CSMD1: variants seen among roughly 807,000 people sequenced by gnomAD.
CSMD1 encodes the protein CUB and Sushi multiple domains 1.
CSMD1 carries 213 observed loss-of-function variants against 417.5 expected under a neutral mutation model. The ratio of observed to expected loss-of-function variants is 0.51; its 90% confidence interval spans 0.46 to 0.57. The LOEUF is 0.57. CSMD1 is among the 20% of genes least tolerant of loss of function. CSMD1 has a pLI of 0.00. For missense variants in CSMD1, 6,923 were observed against 4,529.7 expected, an observed-to-expected ratio of 1.53 and a Z score of -15.17; for synonymous variants, 2,862 against 1,736.8, an observed-to-expected ratio of 1.65 and a Z score of -16.11.
intron 25 of CSMD1, among the ~76,000 whole-genome samples, chr8:3,299,364 A>G (rs771067265): frequency 1.5e-4 from 23 of 152,172 alleles, no homozygotes; most frequent in Admixed American, 3.3e-4. Flanking sequence ...AGGCAGGAGC[A>G]TTGCTTGAAC....
intron 3 of CSMD1, among the ~76,000 whole-genome samples, chr8:4,298,467 G>C (rs1287248392): frequency 6.6e-6 from 1 of 152,118 alleles, no homozygotes; most frequent in East Asian, 1.9e-4. Context: ...ATTACTTAGT[G>C]AGTACAATGT....
chr8:3,837,230 G>C (rs1221832468), intron 5 of CSMD1, among the ~76,000 whole-genome samples: 1 of 152,034 alleles, frequency 6.6e-6, no homozygotes, highest in African/African-American at 2.4e-5. Context: ...GAATAGATGT[G>C]CATAGCTAAA....
At chr8:3,372,761 A>G (rs1311373932) in intron 18 of CSMD1, among the ~76,000 whole-genome samples, 3 of 152,164 alleles carry the variant, frequency 2.0e-5, no homozygotes, top group Admixed American at 2.0e-4. Flanking sequence ...CCGACATTAT[A>G]ACAGGTTACA....
chr8:4,295,750 G>GTGTA (rs1175477762), intron 3 of CSMD1, among the ~76,000 whole-genome samples: 168 of 34,158 alleles, frequency 4.9e-3, no homozygotes, highest in South Asian at 0.037. Context: ...ATGTGTGTGT[G>GTGTA]TATATATATA....
At chr8:4,058,611 T>G (rs1012240009) in intron 3 of CSMD1, among the ~76,000 whole-genome samples, 1 of 150,202 alleles carries the variant, frequency 6.7e-6, no homozygotes, top group Admixed American at 6.7e-5. Context: ...ACCAAGCAAA[T>G]GGAAAACAAA....
chr8:4,286,970 G>C (rs1797094654), intron 3 of CSMD1, among the ~76,000 whole-genome samples: 2 of 152,146 alleles, frequency 1.3e-5, no homozygotes, highest in South Asian at 4.1e-4. Flanking sequence ...AGCTGAAGGA[G>C]GCTGACATCC....
intron 10 of CSMD1, among the ~76,000 whole-genome samples, chr8:3,499,135 G>C (rs1796487904): frequency 3.3e-5 from 5 of 152,170 alleles, no homozygotes; most frequent in Admixed American, 2.6e-4. Flanking sequence ...TTAGAATGTA[G>C]TTTTAGTAGG....
chr8:3,959,026 T>C (rs937991277), intron 5 of CSMD1, among the ~76,000 whole-genome samples: 1 of 152,140 alleles, frequency 6.6e-6, no homozygotes, highest in African/African-American at 2.4e-5. Context: ...TGCGGCGGCT[T>C]CTCCATGCTC....
chr8:3,367,065 T>C lies in CSMD1; in HGVS notation c.3082A>G (p.Ile1028Val), dbSNP rs761384456. 13 of 1,613,498 alleles carry C rather than the reference T, an allele frequency of 8.1e-6. No individual in the cohort carries two copies. The highest frequency in any genetic ancestry group is 4.5e-5 in the East Asian group (2 of 44,850). Residue 1028 changes from isoleucine (I) to valine (V), a missense_variant, in exon 20 of 70, where the codon ATT becomes GTT. Ile to Val is a conservative substitution (Grantham distance 29, BLOSUM62 3). Coordinates refer to ENST00000635120, the MANE Select transcript of CSMD1 (RefSeq NM_033225.6). ...GTGATATTGAAGCCCTCGTACGAAA[T>C]TGAGAAGTCTGATATAAACCGAAGC... ...AQLRFISDFS[I>V]SYEGFNITFS...
intron 3 of CSMD1, among the ~76,000 whole-genome samples, chr8:4,157,663 G>T (rs184069993): frequency 5.9e-5 from 9 of 152,166 alleles, no homozygotes; most frequent in African/African-American, 1.7e-4. Flanking sequence ...TCTGGGCATG[G>T]GGTGAGGGCA....
At chr8:3,557,832 C>T (rs192904112) in intron 10 of CSMD1, among the ~76,000 whole-genome samples, 2 of 152,296 alleles carry the variant, frequency 1.3e-5, no homozygotes, top group Admixed American at 1.3e-4. Context: ...AGCATTATCA[C>T]CCTTTACTCC....
chr8:4,435,077 T>A (rs1228116966), intron 2 of CSMD1, among the ~76,000 whole-genome samples: 1 of 152,128 alleles, frequency 6.6e-6, no homozygotes, highest in East Asian at 1.9e-4. Context: ...ATCGGTGTAA[T>A]AAAAATGGAA....
At chr8:4,083,751 T>A (rs375008527) in intron 3 of CSMD1, among the ~76,000 whole-genome samples, 1 of 152,104 alleles carries the variant, frequency 6.6e-6, no homozygotes, top group Non-Finnish European at 1.5e-5. Flanking sequence ...GAAGAAAACC[T>A]AGGCATTACC....
At chr8:3,419,528 CAGG>C (rs1813357484) in intron 12 of CSMD1, among the ~76,000 whole-genome samples, 1 of 152,070 alleles carries the variant, frequency 6.6e-6, no homozygotes, top group South Asian at 2.1e-4. Flanking sequence ...GTTTGCCTGT[CAGG>C]AGGAGGATAT....
At chr8:4,395,024 C>A (rs939627136) in intron 3 of CSMD1, among the ~76,000 whole-genome samples, 1 of 152,150 alleles carries the variant, frequency 6.6e-6, no homozygotes, top group African/African-American at 2.4e-5. Flanking sequence ...TTTCCCTCTG[C>A]GTGGCATATC....
At chr8:4,136,655 T>A (rs1803454116) in intron 3 of CSMD1, among the ~76,000 whole-genome samples, 1 of 152,216 alleles carries the variant, frequency 6.6e-6, no homozygotes, top group Admixed American at 6.5e-5. Flanking sequence ...TTTTCCTTTT[T>A]TCCTCTTATT....
intron 2 of CSMD1, among the ~76,000 whole-genome samples, chr8:4,612,755 G>A (rs553940089): frequency 1.3e-5 from 2 of 152,276 alleles, no homozygotes; most frequent in Admixed American, 1.3e-4. Flanking sequence ...GTGTGTACCT[G>A]CAAATCTATG....
At chr8:3,599,505 C>G (rs756877509) in intron 8 of CSMD1, among the ~76,000 whole-genome samples, 1 of 152,038 alleles carries the variant, frequency 6.6e-6, no homozygotes. Flanking sequence ...GTTAGTAACC[C>G]CAACACAGCA....
At chr8:4,856,835 C>T (rs1801830190) in intron 1 of CSMD1, among the ~76,000 whole-genome samples, 1 of 151,904 alleles carries the variant, frequency 6.6e-6, no homozygotes, top group African/African-American at 2.4e-5. Context: ...TAACACCCCA[C>T]TGTCAACATT....
Sources: gnomAD v4.1 joint callset for allele counts (sites outside exome capture counted in the v4.1 genomes callset) on GRCh38, gnomAD v4.1.1 for gene constraint, MANE v1.5 for transcripts, NCBI Gene and HGNC (gene_info 2026-07-23, HGNC 2026-07-21) for gene names.